Variants in SLC36A4 observed in about 807,000 individuals in gnomAD.
The protein encoded by SLC36A4 is solute carrier family 36 member 4.
In SLC36A4, 49 loss-of-function variants were observed where a neutral mutation model predicts 50.5. The ratio of observed to expected loss-of-function variants is 0.97; its 90% CI spans 0.77 to 1.23. The LOEUF (loss-of-function observed/expected upper bound fraction) is 1.23. Ranked by LOEUF, SLC36A4 falls within the 50% of genes most tolerant of loss-of-function variation. The pLI is 0.00. For missense variants in SLC36A4, 611 were observed against 608.4 expected, an observed-to-expected ratio of 1.00 and a Z score of -0.05; for synonymous variants, 207 against 206.5, an observed-to-expected ratio of 1.00 and a Z score of -0.02.
chr11:93,153,016 GT>G (rs1860167477), intron 10 of SLC36A4, among the ~76,000 whole-genome samples: 1 of 151,924 alleles, frequency 6.6e-6, no homozygotes, highest in African/African-American at 2.4e-5. Context: ...ATTCATTTAA[GT>G]AATTACTTCG....
intron 7 of SLC36A4, 142 bp from the exon 8 acceptor site, chr11:93,166,158 T>TA: frequency 7.7e-7 from 1 of 1,294,430 alleles, no homozygotes; most frequent in Non-Finnish European, 1.0e-6. Flanking sequence ...AACAAACACT[T>TA]AAAGCATCCT....
chr11:93,197,682 C>G, intron 1 of SLC36A4, 96 bp downstream of exon 1: 2 of 1,372,748 alleles, frequency 1.5e-6, no homozygotes, highest in South Asian at 1.3e-5. Flanking sequence ...TCAACTCAGG[C>G]CAAGCGCGGG....
chr11:93,190,310 T>A (rs981869163), intron 1 of SLC36A4, among the ~76,000 whole-genome samples: 2 of 152,130 alleles, frequency 1.3e-5, no homozygotes, highest in African/African-American at 4.8e-5. Flanking sequence ...TATAGCACAA[T>A]ACGGCAACGG....
Position 93,184,442 on chromosome 11 carries a change from A to AT in SLC36A4, c.257dup (p.Asn86LysfsTer37). On this transcript the variant is annotated frameshift_variant, in exon 3 of 11. Transcript: ENST00000326402. LOFTEE classifies it high-confidence loss of function. ...AGATAAGTCTTACCACTATGCCTGCATTTTTTATTGCCAATGGAAGTCCTA... is the reference window on the plus strand; with the variant it reads ...AGATAAGTCTTACCACTATGCCTGCATTTTTTTATTGCCAATGGAAGTCCTA... 1 of 1,605,942 alleles carries AT rather than the reference A, an allele frequency of 6.2e-7. No homozygotes were observed. Among genetic ancestry groups the AT allele is most frequent in the Non-Finnish European group, 8.5e-7 (1 of 1,172,922 alleles).
chr11:93,167,297 A>T (rs1565223802), intron 7 of SLC36A4: 1 of 152,154 alleles, frequency 6.6e-6, no homozygotes, highest in Non-Finnish European at 1.5e-5. Context: ...TGTGTCTTTG[A>T]CACCTTTGCA....
chr11:93,154,279 T>C lies in SLC36A4; in HGVS notation c.1038-2A>G, dbSNP rs200947849. The C allele has an allele frequency of 2.2e-5, 30 of 1,352,838 alleles. No individual in the cohort carries two copies. In the East Asian group the frequency reaches 7.8e-4, roughly 35 times the overall value. 83.8% of individuals were successfully genotyped at this position (1,352,838 alleles called of 1,614,324 possible). ...AGAATTTTCACTGATTGATATAACC[T>C]GTTGAAAAAAATTTTCAAAATTTAG... On this transcript the variant is annotated splice_acceptor_variant, in intron 9 of 10. Transcript: ENST00000326402. LOFTEE classifies it high-confidence loss of function.
chr11:93,162,825 C>G lies in SLC36A4; in HGVS notation c.918G>C (p.Ala306=). 6.2e-7 allele frequency: 1 copy of G among 1,613,710 alleles called. No homozygotes were observed. The highest frequency in any genetic ancestry group is 8.5e-7 in the Non-Finnish European group (1 of 1,179,870). Reference sequence around the variant, plus strand: ...TAACAATCCCCATGCCAATATTCAACGCTTGAGGGAAACGCTTTGATTCTT... The same window carrying G: ...TAACAATCCCCATGCCAATATTCAAGGCTTGAGGGAAACGCTTTGATTCTT... ...QMKESKRFPQ[A]LNIGMGIVTT... The change falls in exon 9 of 11, where the codon GCG becomes GCC. Residue 306 remains alanine (A), a synonymous_variant. Coordinates refer to ENST00000326402, the MANE Select transcript of SLC36A4 (RefSeq NM_152313.4).
chr11:93,185,425 T>A (rs1392391776), intron 2 of SLC36A4: 1 of 271,786 alleles, frequency 3.7e-6, no homozygotes, highest in Non-Finnish European at 6.8e-6. Flanking sequence ...ACATCACTTC[T>A]CTTAACATTC....
At chr11:93,197,714 C>G (rs1591001094) in intron 1 of SLC36A4, 64 bp downstream of exon 1, 1 of 1,530,390 alleles carries the variant, frequency 6.5e-7, no homozygotes, top group East Asian at 2.5e-5. Context: ...TGTGGGCGCA[C>G]CCGACTCCCG....
At chr11:93,177,756 G>A (rs932288527) in intron 6 of SLC36A4, among the ~76,000 whole-genome samples, 2 of 152,082 alleles carry the variant, frequency 1.3e-5, no homozygotes, top group African/African-American at 4.8e-5. Context: ...AGGGGGACCC[G>A]GCTGTATGAG....
intron 1 of SLC36A4, among the ~76,000 whole-genome samples, chr11:93,191,180 A>G (rs1179560265): frequency 6.6e-6 from 1 of 152,232 alleles, no homozygotes; most frequent in Admixed American, 6.5e-5. Flanking sequence ...AGCTCCAGGT[A>G]ATACTATATA....
intron 10 of SLC36A4, among the ~76,000 whole-genome samples, chr11:93,151,362 G>C (rs961558373): frequency 1.3e-5 from 2 of 151,938 alleles, no homozygotes; most frequent in African/African-American, 4.8e-5. Context: ...TATCCTTAGA[G>C]CATAAAGTTC....
intron 6 of SLC36A4, among the ~76,000 whole-genome samples, chr11:93,177,990 A>T (rs568616588): frequency 1.1e-4 from 16 of 152,308 alleles, no homozygotes; most frequent in African/African-American, 3.8e-4. Flanking sequence ...ACAGAGGCAG[A>T]CAGGCCTCCT....
At chr11:93,163,740 C>CT (rs1716872219) in intron 8 of SLC36A4, among the ~76,000 whole-genome samples, 1 of 151,958 alleles carries the variant, frequency 6.6e-6, no homozygotes, top group South Asian at 2.1e-4. Flanking sequence ...GGGATTAGTT[C>CT]TATCGCCTGG....
At chr11:93,161,277 A>G (rs2134645790) in intron 9 of SLC36A4, among the ~76,000 whole-genome samples, 1 of 152,340 alleles carries the variant, frequency 6.6e-6, no homozygotes, top group Middle Eastern at 3.4e-3. Context: ...ACCAAAAAGC[A>G]CATTTGAAGG....
chr11:93,177,722 C>T (rs780002416), intron 6 of SLC36A4, among the ~76,000 whole-genome samples: 11 of 152,220 alleles, frequency 7.2e-5, no homozygotes, highest in Non-Finnish European at 1.6e-4. Flanking sequence ...CTGCCTGATC[C>T]TTCCTCTGGA....
intron 10 of SLC36A4, among the ~76,000 whole-genome samples, chr11:93,150,704 C>T (rs997418972): frequency 6.6e-6 from 1 of 151,950 alleles, no homozygotes; most frequent in African/African-American, 2.4e-5. Context: ...ACATATATAG[C>T]CTTTTAACTT....
At chr11:93,193,997 T>C (rs969047772) in intron 1 of SLC36A4, among the ~76,000 whole-genome samples, 9 of 152,126 alleles carry the variant, frequency 5.9e-5, no homozygotes, top group African/African-American at 9.7e-5. Flanking sequence ...AATATTGCAC[T>C]GACATTAAAT....
chr11:93,195,539 TAC>T (rs1290817021), intron 1 of SLC36A4, among the ~76,000 whole-genome samples: 3 of 152,212 alleles, frequency 2.0e-5, no homozygotes, highest in Non-Finnish European at 4.4e-5. Context: ...TTTGCCCCCT[TAC>T]AGTTTATTCG....
Sources: allele counts gnomAD v4.1 joint callset (sites outside exome capture counted in the v4.1 genomes callset), GRCh38; gene constraint gnomAD v4.1.1; transcripts MANE v1.5; gene names NCBI Gene and HGNC (gene_info 2026-07-23, HGNC 2026-07-21).